Variants in PCID2 observed in about 807,000 individuals in gnomAD.
The protein encoded by PCID2 is PCI domain containing 2, also known as PCI domain-containing protein 2.
PCID2 carries 41 observed loss-of-function variants against 61.3 expected under a neutral mutation model. The observed-to-expected ratio is 0.67, with a 90% CI of 0.52 to 0.87. The LOEUF is 0.87. Among genes scored for constraint, PCID2 ranks in the 40% least tolerant of loss-of-function variants. PCID2 has a pLI of 0.00. For missense variants in PCID2, 392 were observed against 493.4 expected, an observed-to-expected ratio of 0.79 and a Z score of 1.95; for synonymous variants, 187 against 177.8, an observed-to-expected ratio of 1.05 and a Z score of -0.41.
At chr13:113,183,755 G>A in intron 9 of PCID2, 1 of 984,840 alleles carries the variant, frequency 1.0e-6, no homozygotes. Flanking sequence ...ATTACAAAAA[G>A]AAGACTAGTT....
chr13:113,178,235 T>C lies in PCID2; in HGVS notation c.1163A>G (p.Lys388Arg). 3 of 1,613,918 alleles carry C rather than the reference T, an allele frequency of 1.9e-6. No homozygotes were observed. In the South Asian group the frequency reaches 3.3e-5, roughly 18 times the overall value. ...GGACAGGGGAGGAAATGGGTTCTGCTTGCTGACCACCAGCTTCTGATGCTG... is the reference window on the plus strand; with the variant it reads ...GGACAGGGGAGGAAATGGGTTCTGCCTGCTGACCACCAGCTTCTGATGCTG... ...SHQHQKLVVS[K>R]QNPFPPLSTV... Residue 388 changes from lysine (K) to arginine (R), a missense_variant, in exon 14 of 14, where the codon AAG becomes AGG. Around this residue, in one of 3 missense-constraint regions of PCID2, gnomAD observed 226 missense variants for 296.5 expected, o/e 0.76. Transcript: ENST00000337344.
At chr13:113,185,591 T>C in intron 7 of PCID2, 31 bp from the exon 8 acceptor site, 1 of 1,398,706 alleles carries the variant, frequency 7.1e-7, no homozygotes, top group Non-Finnish European at 1.0e-6. Context: ...TTAAGTTACA[T>C]AGGAAATAAA....
At chr13:113,190,324 T>C (rs1204205326) in intron 7 of PCID2, among the ~76,000 whole-genome samples, 1 of 150,106 alleles carries the variant, frequency 6.7e-6, no homozygotes, top group Non-Finnish European at 1.5e-5. Context: ...AAAAGACCCA[T>C]TCTATACAGG....
At chr13:113,195,154 AG>A in intron 5 of PCID2, 29 bp from the exon 6 acceptor site, 1 of 1,479,814 alleles carries the variant, frequency 6.8e-7, no homozygotes, top group Non-Finnish European at 9.5e-7. Context: ...AACAAGTGTG[AG>A]GGGCTACGTG....
intron 5 of PCID2, among the ~76,000 whole-genome samples, chr13:113,195,397 C>A (rs968275765): frequency 9.2e-5 from 14 of 152,332 alleles, no homozygotes; most frequent in African/African-American, 3.1e-4. Context: ...TCTGGGCTCC[C>A]AGGATATCCT....
intron 7 of PCID2, chr13:113,188,037 T>G (rs796157871): frequency 2.6e-5 from 4 of 152,378 alleles, no homozygotes; most frequent in African/African-American, 7.2e-5. Context: ...GCCCACGCCC[T>G]GACGCACTTC....
intron 6 of PCID2, among the ~76,000 whole-genome samples, chr13:113,192,699 T>C (rs930547670): frequency 1.3e-5 from 2 of 152,048 alleles, no homozygotes; most frequent in African/African-American, 4.8e-5. Context: ...TTAAGGAAGG[T>C]AGGGGTTTGG....
chr13:113,192,370 T>G (rs1420922969), intron 6 of PCID2, among the ~76,000 whole-genome samples: 1 of 152,282 alleles, frequency 6.6e-6, no homozygotes, highest in African/African-American at 2.4e-5. Context: ...ACAGCACTTC[T>G]GTTGCACACG....
At chr13:113,201,378 G>C (rs978647186) in intron 1 of PCID2, among the ~76,000 whole-genome samples, 1 of 152,190 alleles carries the variant, frequency 6.6e-6, no homozygotes, top group African/African-American at 2.4e-5. Flanking sequence ...AAAGAATGCA[G>C]GGCCTGTACC....
At chr13:113,191,084 C>T (rs1410192964) in intron 6 of PCID2, 109 bp from the exon 7 acceptor site, 1 of 612,710 alleles carries the variant, frequency 1.6e-6, no homozygotes, top group East Asian at 3.1e-5. Context: ...CCTCAACCTC[C>T]TGGGCTCCAC....
the PCID2 span, chr13:113,165,150 T>A: frequency 2.5e-6 from 4 of 1,590,426 alleles, no homozygotes; most frequent in Non-Finnish European, 3.4e-6. Flanking sequence ...GTGCTTCAAT[T>A]TATTGTTATG....
chr13:113,203,691 G>A (rs144835912), intron 1 of PCID2, among the ~76,000 whole-genome samples: 4 of 152,206 alleles, frequency 2.6e-5, no homozygotes, highest in East Asian at 1.9e-4. Context: ...AGCTCCAAAG[G>A]GGCCTCCTCT....
chr13:113,198,696 C>G (rs2039202708), intron 2 of PCID2, among the ~76,000 whole-genome samples: 1 of 150,404 alleles, frequency 6.6e-6, no homozygotes, highest in East Asian at 1.9e-4. Context: ...CAGAGGGAGA[C>G]TCTGTCTCAT....
chr13:113,197,122 A>C, intron 4 of PCID2, 56 bp downstream of exon 4: 1 of 1,614,184 alleles, frequency 6.2e-7, no homozygotes, highest in Non-Finnish European at 8.5e-7. Flanking sequence ...TCAAGTCCCA[A>C]GTAATCCACT....
rs754101517 is a variant in PCID2, at chr13:113,180,011, G to T, written c.892C>A (p.Leu298Met). The change falls in exon 12 of 14, where the codon CTG becomes ATG. Residue 298 changes from leucine (L) to methionine (M), a missense_variant. Physicochemically the swap from Leu to Met is conservative, Grantham distance 15. This residue lies in a region of PCID2 where 226 missense variants were observed against 296.5 expected (regional missense o/e 0.76). Coordinates refer to ENST00000337344, the MANE Select transcript of PCID2 (RefSeq NM_001127202.4). ...ATGAAGAAGGCCTCGTGCTTCGCCA[G>T]CGCCTCGTGCAGCAGCAGCAGGTTG... ...EGNLLLLHEALAKHEAFFIRC... is the reference protein window; with the variant it reads ...EGNLLLLHEAMAKHEAFFIRC... 31 of 1,614,038 alleles carry T rather than the reference G, an allele frequency of 1.9e-5. No individual in the cohort carries two copies. The highest frequency in any genetic ancestry group is 2.5e-5 in the Non-Finnish European group (30 of 1,180,020).
intron 9 of PCID2, among the ~76,000 whole-genome samples, chr13:113,182,784 G>A (rs576369289): frequency 7.2e-5 from 11 of 152,110 alleles, no homozygotes; most frequent in African/African-American, 2.2e-4. Flanking sequence ...CACCGCGCCC[G>A]GCCAAAAAAT....
In PCID2 at chr13:113,183,705, G is replaced by C. The variant is rs577283079; in HGVS notation, c.685+641C>G. 73 of 946,004 alleles carry C rather than the reference G, an allele frequency of 7.7e-5. No individual in the cohort carries two copies. In the African/African-American group the frequency reaches 1.2e-3, roughly 16 times the overall value. The allele number at this position is 946,004 out of a possible 1,614,324, so 58.6% of individuals were successfully genotyped here. A position where few individuals can be genotyped will look rare whatever the true frequency, so the allele number is the denominator to read the frequency against. ...TTTAAAGTCTGGTTTGAGCACAAGAGAAGAGATCACCAAGAATGATGCCGT... is the reference window on the plus strand; with the variant it reads ...TTTAAAGTCTGGTTTGAGCACAAGACAAGAGATCACCAAGAATGATGCCGT... On this transcript the variant is annotated intron_variant, in intron 9 of 13. Transcript: ENST00000337344.
the PCID2 span, chr13:113,172,424 G>T: frequency 1.0e-5 from 4 of 383,746 alleles, no homozygotes; most frequent in Admixed American, 3.7e-5. Flanking sequence ...TCCAAGTCCA[G>T]TGTTCCCTGT....
At chr13:113,195,545 G>T (rs1390487042) in intron 5 of PCID2, among the ~76,000 whole-genome samples, 1 of 152,104 alleles carries the variant, frequency 6.6e-6, no homozygotes, top group African/African-American at 2.4e-5. Context: ...GGCAAAACTG[G>T]ACTGTTTTCA....
Sources: gnomAD v4.1 joint callset for allele counts (sites outside exome capture counted in the v4.1 genomes callset) on GRCh38, gnomAD v4.1.1 for gene constraint, gnomAD v4.1.1 regional missense constraint, MANE v1.5 for transcripts, NCBI Gene and HGNC (gene_info 2026-07-23, HGNC 2026-07-21) for gene names.